Variants in CCDC12 observed in about 807,000 individuals in gnomAD.
CCDC12 encodes the protein coiled-coil domain-containing protein 12.
Under a neutral mutation model 25.7 loss-of-function variants are expected in CCDC12, and 28 were observed. The ratio of observed to expected loss-of-function variants is 1.09; its 90% CI spans 0.81 to 1.50. CCDC12 has a LOEUF of 1.50. CCDC12 is among the 40% of genes most tolerant of loss of function. CCDC12 has a pLI of 0.00. For missense variants in CCDC12, 198 were observed against 210.0 expected (o/e 0.94, Z 0.35); for synonymous variants, 75 against 87.7 (o/e 0.86, Z 0.81).
intron 1 of CCDC12, among the ~76,000 whole-genome samples, chr3:46,952,339 G>A (rs2034155245): frequency 6.6e-6 from 1 of 152,290 alleles, no homozygotes; most frequent in South Asian, 2.1e-4. Flanking sequence ...AACTGAGGCT[G>A]GACCAGGTCT....
intron 1 of CCDC12, among the ~76,000 whole-genome samples, chr3:46,960,249 A>G (rs916356970): frequency 2.6e-5 from 4 of 152,096 alleles, no homozygotes; most frequent in African/African-American, 9.7e-5. Flanking sequence ...GGCCTCAACA[A>G]TAACACTTGT....
At chr3:46,925,729 C>T (rs1185877639) in intron 2 of CCDC12, among the ~76,000 whole-genome samples, 194 bp from the exon 3 acceptor site, 1 of 152,220 alleles carries the variant, frequency 6.6e-6, no homozygotes, top group Non-Finnish European at 1.5e-5. Context: ...TGCCACTTAG[C>T]GGGACTGGCT....
At chr3:46,964,473 G>A (rs908533678) in intron 1 of CCDC12, among the ~76,000 whole-genome samples, 4 of 152,260 alleles carry the variant, frequency 2.6e-5, no homozygotes, top group African/African-American at 4.8e-5. Flanking sequence ...CATTGAGAAC[G>A]GGCCATGATG....
chr3:46,935,654 T>C (rs947884794), intron 2 of CCDC12, among the ~76,000 whole-genome samples: 1 of 152,166 alleles, frequency 6.6e-6, no homozygotes, highest in Non-Finnish European at 1.5e-5. Context: ...GAGTCATCCA[T>C]GCCTCTACAG....
At chr3:46,976,857 A>C (rs1208175153), upstream of CCDC12, 1 of 1,464,500 alleles carries the variant, frequency 6.8e-7, no homozygotes, top group Non-Finnish European at 9.1e-7. Flanking sequence ...AAAGCCAATC[A>C]ATGCGGGGTT....
At chr3:46,955,388 G>C (rs991402650) in intron 1 of CCDC12, among the ~76,000 whole-genome samples, 43 of 152,300 alleles carry the variant, frequency 2.8e-4, no homozygotes, top group African/African-American at 1.0e-3. Context: ...GAGAGAAGCA[G>C]ACAGTGAACA....
At chr3:46,973,060 A>AC (rs1420366084) in intron 1 of CCDC12, among the ~76,000 whole-genome samples, 1 of 143,244 alleles carries the variant, frequency 7.0e-6, no homozygotes, top group Non-Finnish European at 1.5e-5. Flanking sequence ...CCCGAATTTA[A>AC]AAAAAAAAAA....
At chr3:46,974,741 C>G (rs547375153) in intron 1 of CCDC12, among the ~76,000 whole-genome samples, 1 of 152,308 alleles carries the variant, frequency 6.6e-6, no homozygotes, top group African/African-American at 2.4e-5. Context: ...GTGGGAAGTG[C>G]CCCCCATCTC....
intron 1 of CCDC12, among the ~76,000 whole-genome samples, chr3:46,955,903 C>T (rs1341362249): frequency 6.6e-6 from 1 of 152,218 alleles, no homozygotes; most frequent in East Asian, 1.9e-4. Flanking sequence ...TCACACTTCA[C>T]TCTTGTGCAC....
At chr3:46,933,347 AGAAGCCAGAGCT>A (rs1331098442) in intron 2 of CCDC12, among the ~76,000 whole-genome samples, 1 of 152,218 alleles carries the variant, frequency 6.6e-6, no homozygotes, top group Admixed American at 6.5e-5. Flanking sequence ...AGGAGGCCGG[AGAAGCCAGAGCT>A]GGCTGGGGAT....
At chr3:46,923,764 C>T (rs1276824627) in intron 3 of CCDC12, 96 bp from the exon 4 acceptor site, 2 of 1,079,368 alleles carry the variant, frequency 1.9e-6, no homozygotes, top group East Asian at 6.0e-5. Context: ...AGACGGGACC[C>T]CAGGCTTCCT....
chr3:46,977,455 G>A (rs1223238910), upstream of CCDC12, among the ~76,000 whole-genome samples: 9 of 140,292 alleles, frequency 6.4e-5, no homozygotes, highest in African/African-American at 2.2e-4. Flanking sequence ...CCTGGCAGCA[G>A]AGCAAGACTC....
At chr3:46,935,578 C>T (rs1475377654) in intron 2 of CCDC12, among the ~76,000 whole-genome samples, 2 of 151,928 alleles carry the variant, frequency 1.3e-5, no homozygotes, top group Admixed American at 1.3e-4. Context: ...CATGGGCCAG[C>T]TTTCCAGGGC....
At chr3:46,944,720 G>T (rs566011471) in intron 1 of CCDC12, among the ~76,000 whole-genome samples, 101 of 151,664 alleles carry the variant, frequency 6.7e-4, no homozygotes, top group Non-Finnish European at 1.1e-3. Flanking sequence ...GAATACAGCT[G>T]CCTCCTGCAT....
rs1311040485 is a variant in CCDC12, at chr3:46,952,567, C to G, written c.97-11502G>C. Among the ~76,000 whole-genome samples, 4 of 152,182 alleles carry G rather than the reference C, an allele frequency of 2.6e-5. No homozygotes were observed. In the East Asian group the frequency reaches 7.7e-4, roughly 29 times the overall value. ...ACAAAAATCCCAACCCTGCCCACTT[C>G]TTGGGAGTGTGGTTTTAACTAGGTT... On this transcript the variant is annotated intron_variant, in intron 1 of 6. Coordinates refer to ENST00000683445, the MANE Select transcript of CCDC12 (RefSeq NM_001277074.2).
chr3:46,930,881 ACTCCATGCACGTGGCCCTGTGTC>A (rs1470692884), intron 2 of CCDC12, among the ~76,000 whole-genome samples: 1 of 151,410 alleles, frequency 6.6e-6, no homozygotes, highest in Non-Finnish European at 1.5e-5. Context: ...AGCAGGCCCC[ACTCCATGCACGTGGCCCTGTGTC>A]GGCTGCATGT....
At chr3:46,975,264 C>T (rs2107209602) in intron 1 of CCDC12, among the ~76,000 whole-genome samples, 1 of 151,868 alleles carries the variant, frequency 6.6e-6, no homozygotes, top group East Asian at 1.9e-4. Context: ...CGGCTCACTG[C>T]AACCTTTGCC....
At chr3:46,957,929 C>T (rs1158109875) in intron 1 of CCDC12, among the ~76,000 whole-genome samples, 4 of 142,202 alleles carry the variant, frequency 2.8e-5, no homozygotes, top group East Asian at 4.4e-4. Context: ...GCCAACAGAG[C>T]GAGACTCCAT....
Position 46,935,537 on chromosome 3 carries a change from A to G in CCDC12, c.164+5461T>C, listed in dbSNP as rs530565478. Among the ~76,000 whole-genome samples the G allele has an allele frequency of 2.6e-5, 4 of 151,792 alleles. No homozygotes were observed. The East Asian group carries it at 5.8e-4, about 22-fold the overall frequency. On this transcript the variant is annotated intron_variant, in intron 2 of 6. Coordinates refer to ENST00000683445, the MANE Select transcript of CCDC12 (RefSeq NM_001277074.2). ...AAAAAAAAGCAGCTAAGCAGCTGACACTGACATGAACGCCCCTGAATGCCC... is the reference window on the plus strand; with the variant it reads ...AAAAAAAAGCAGCTAAGCAGCTGACGCTGACATGAACGCCCCTGAATGCCC...
Sources: gnomAD v4.1 joint callset for allele counts (sites outside exome capture counted in the v4.1 genomes callset) on GRCh38, gnomAD v4.1.1 for gene constraint, MANE v1.5 for transcripts, NCBI Gene and HGNC (gene_info 2026-07-23, HGNC 2026-07-21) for gene names.